Variants in ARHGAP15 observed in about 807,000 individuals in gnomAD.
ARHGAP15 encodes Rho GTPase activating protein 15.
In ARHGAP15, 51 loss-of-function variants were observed where a neutral mutation model predicts 63.7. That is an observed-to-expected ratio of 0.80 (90% CI 0.64 to 1.01). The LOEUF (loss-of-function observed/expected upper bound fraction) is 1.01, where lower values mean the gene tolerates loss of function less well. Among genes scored for constraint, ARHGAP15 ranks in the 50% least tolerant of loss-of-function variants. The pLI is 0.00. For synonymous variants in ARHGAP15, 191 were observed against 193.8 expected, an observed-to-expected ratio of 0.99 and a Z score of 0.12; for missense variants, 560 against 564.6, an observed-to-expected ratio of 0.99 and a Z score of 0.08.
intron 6 of ARHGAP15, among the ~76,000 whole-genome samples, chr2:143,316,331 T>A (rs529652266): frequency 4.0e-5 from 6 of 151,664 alleles, no homozygotes; most frequent in African/African-American, 1.2e-4. Flanking sequence ...CTGGACCTAC[T>A]GAATCAAAAT....
At chr2:143,553,245 T>G (rs1463563897) in intron 10 of ARHGAP15, among the ~76,000 whole-genome samples, 1 of 152,216 alleles carries the variant, frequency 6.6e-6, no homozygotes, top group African/African-American at 2.4e-5. Flanking sequence ...TGTAATACCC[T>G]CCTTTTTAAT....
chr2:143,505,975 T>C (rs12615880), intron 9 of ARHGAP15, among the ~76,000 whole-genome samples: 39,967 of 152,114 alleles, frequency 0.26, 6,123 homozygotes, highest in East Asian at 0.71. Context: ...ACTCCATTAT[T>C]GATATTCAAA....
rs1694202568 is a variant in ARHGAP15, at chr2:143,524,950, C to T, written c.925+5586C>T. Among the ~76,000 whole-genome samples, 5 of 152,134 alleles carry T rather than the reference C, an allele frequency of 3.3e-5. No homozygotes were observed. In the South Asian group the frequency reaches 1.0e-3, roughly 31 times the overall value. The stretch of plus-strand genomic sequence containing the variant: ...GCATTGTAGTTGTTAATATAATTTT[C>T]CTGATATTTGATCCAGTGCACCAGT... On this transcript the variant is annotated intron_variant, in intron 10 of 13. Transcript: ENST00000295095.
intron 11 of ARHGAP15, among the ~76,000 whole-genome samples, chr2:143,601,920 G>A (rs574883769): frequency 6.6e-6 from 1 of 151,972 alleles, no homozygotes; most frequent in South Asian, 2.1e-4. Context: ...ATATTTCAAG[G>A]TTTTGTTTTC....
chr2:143,391,060 G>A (rs1202744332), intron 6 of ARHGAP15, among the ~76,000 whole-genome samples: 1 of 152,134 alleles, frequency 6.6e-6, no homozygotes, highest in East Asian at 1.9e-4. Flanking sequence ...AGGTGGAAGC[G>A]CGGTAGAATA....
At chr2:143,560,694 C>G (rs1430760492) in intron 11 of ARHGAP15, among the ~76,000 whole-genome samples, 1 of 152,320 alleles carries the variant, frequency 6.6e-6, no homozygotes, top group African/African-American at 2.4e-5. Flanking sequence ...TAAAATTGTT[C>G]AAGAGCTATT....
At chr2:143,708,629 C>A (rs1047736105) in intron 13 of ARHGAP15, among the ~76,000 whole-genome samples, 3 of 151,990 alleles carry the variant, frequency 2.0e-5, no homozygotes, top group Non-Finnish European at 1.5e-5. Context: ...AGTTCCAACT[C>A]TTTTCACCCT....
At chr2:143,691,645 T>C (rs1328555859) in intron 12 of ARHGAP15, among the ~76,000 whole-genome samples, 1 of 152,228 alleles carries the variant, frequency 6.6e-6, no homozygotes, top group East Asian at 1.9e-4. Context: ...ACACATTATC[T>C]AAATGGGAAT....
At chr2:143,370,120 G>A (rs1045789802) in intron 6 of ARHGAP15, among the ~76,000 whole-genome samples, 21 of 152,046 alleles carry the variant, frequency 1.4e-4, no homozygotes, top group Non-Finnish European at 8.8e-5. Context: ...AAACTGAACT[G>A]TAAGAACCCT....
intron 12 of ARHGAP15, among the ~76,000 whole-genome samples, chr2:143,637,951 A>C (rs1332016272): frequency 6.6e-6 from 1 of 152,024 alleles, no homozygotes; most frequent in Non-Finnish European, 1.5e-5. Context: ...CCGCAATGAG[A>C]TACCATCTCA....
chr2:143,648,020 A>G (rs1195741602), intron 12 of ARHGAP15, among the ~76,000 whole-genome samples: 1 of 152,022 alleles, frequency 6.6e-6, no homozygotes, highest in Non-Finnish European at 1.5e-5. Context: ...TAGTCCACTC[A>G]GAGGATTGAT....
At chr2:143,389,127 TA>T (rs1558938546) in intron 6 of ARHGAP15, among the ~76,000 whole-genome samples, 14 of 149,012 alleles carry the variant, frequency 9.4e-5, no homozygotes, top group African/African-American at 2.2e-4. Context: ...TTATTATTAT[TA>T]TTATTATTTT....
At chr2:143,677,761 C>A (rs1183470250) in intron 12 of ARHGAP15, among the ~76,000 whole-genome samples, 3 of 152,086 alleles carry the variant, frequency 2.0e-5, no homozygotes, top group Non-Finnish European at 4.4e-5. Flanking sequence ...AGACACTGAG[C>A]TAAGAAATCT....
chr2:143,391,221 C>T (rs1374069260), intron 6 of ARHGAP15, among the ~76,000 whole-genome samples: 1 of 152,132 alleles, frequency 6.6e-6, no homozygotes, highest in Non-Finnish European at 1.5e-5. Context: ...GGCATTAATT[C>T]CCTCCTGTAC....
chr2:143,209,537 A>G (rs1233385511), intron 3 of ARHGAP15, among the ~76,000 whole-genome samples: 1 of 150,858 alleles, frequency 6.6e-6, no homozygotes, highest in Non-Finnish European at 1.5e-5. Context: ...TATAAGTCCA[A>G]ATTACAAAAT....
chr2:143,372,984 TAAAAA>T (rs34460482), intron 6 of ARHGAP15, among the ~76,000 whole-genome samples: 6 of 136,698 alleles, frequency 4.4e-5, no homozygotes, highest in South Asian at 2.3e-4. Context: ...TCTCTCCTCT[TAAAAA>T]AAAAAAAAAA....
At chr2:143,636,787 C>A (rs901485736) in intron 12 of ARHGAP15, among the ~76,000 whole-genome samples, 1 of 152,084 alleles carries the variant, frequency 6.6e-6, no homozygotes. Context: ...AATGTGCCCT[C>A]CTAAGGTTTG....
chr2:143,691,700 T>G (rs1683608289), intron 12 of ARHGAP15, among the ~76,000 whole-genome samples: 1 of 152,158 alleles, frequency 6.6e-6, no homozygotes, highest in Non-Finnish European at 1.5e-5. Context: ...GGATTGAAAG[T>G]GTTGTATGAA....
intron 6 of ARHGAP15, among the ~76,000 whole-genome samples, chr2:143,264,762 T>C (rs1275654430): frequency 1.3e-5 from 2 of 152,116 alleles, no homozygotes; most frequent in Non-Finnish European, 2.9e-5. Flanking sequence ...ATACAGTAGT[T>C]TGATTTTTAC....
Sources: allele counts gnomAD v4.1 joint callset (sites outside exome capture counted in the v4.1 genomes callset), GRCh38; gene constraint gnomAD v4.1.1; transcripts MANE v1.5; gene names NCBI Gene and HGNC (gene_info 2026-07-23, HGNC 2026-07-21).